The following PLEKHG4B variants were observed in gnomAD, a reference collection of about 807,000 sequenced individuals.
The protein encoded by PLEKHG4B is pleckstrin homology and RhoGEF domain containing G4B.
A neutral mutation model predicts 121.3 loss-of-function variants in PLEKHG4B; 111 were observed. The ratio of observed to expected loss-of-function variants is 0.92; its 90% CI spans 0.78 to 1.07. PLEKHG4B has a LOEUF of 1.07. PLEKHG4B is among the 50% of genes least tolerant of loss of function. The pLI, the probability that PLEKHG4B is intolerant of heterozygous loss-of-function variation, is 0.00. For missense variants in PLEKHG4B, 1,831 were observed against 1,757.8 expected, an observed-to-expected ratio of 1.04 and a Z score of -0.74; for synonymous variants, 738 against 725.0, an observed-to-expected ratio of 1.02 and a Z score of -0.29.
chr5:122,646 C>T (rs1447694736), intron 2 of PLEKHG4B, among the ~76,000 whole-genome samples: 1 of 152,050 alleles, frequency 6.6e-6, no homozygotes, highest in Non-Finnish European at 1.5e-5. Context: ...GTCAGATCTC[C>T]TGACATCAGG....
Position 156,330 on chromosome 5 carries a change from C to T in PLEKHG4B, c.2348+120C>T. Reference sequence around the variant, plus strand: ...GAGCCCCCTCTGTGCTTGGTCCAGACCTCCATTCTGACAGCCACGCTTTGC... The same window carrying T: ...GAGCCCCCTCTGTGCTTGGTCCAGATCTCCATTCTGACAGCCACGCTTTGC... On this transcript the variant is annotated intron_variant, in intron 10 of 19. Coordinates refer to ENST00000637938, the MANE Select transcript of PLEKHG4B (RefSeq NM_052909.5). This position sits in a 1 kb window ranked among gnomAD's most constrained non-coding sequence, Gnocchi z 4.4. The T allele has an allele frequency of 2.7e-6, 3 of 1,119,892 alleles. No homozygotes were observed. The highest frequency in any genetic ancestry group is 3.5e-6 in the Non-Finnish European group (3 of 860,964). The allele number at this position is 1,119,892 out of a possible 1,614,324, so 69.4% of individuals were successfully genotyped here.
chr5:151,645 C>A (rs886885582), intron 7 of PLEKHG4B, 46 bp downstream of exon 7: 2 of 1,251,780 alleles, frequency 1.6e-6, no homozygotes, highest in East Asian at 4.7e-5. Context: ...TAAAATTAAA[C>A]ATTAAGGCAC....
intron 1 of PLEKHG4B, among the ~76,000 whole-genome samples, chr5:102,971 C>G (rs571354264): frequency 1.2e-3 from 186 of 152,284 alleles, no homozygotes; most frequent in Non-Finnish European, 2.1e-3. Flanking sequence ...AGGCTTCTTG[C>G]TAGCACATCT....
At chr5:146,049 T>C (rs1735397939) in intron 6 of PLEKHG4B, among the ~76,000 whole-genome samples, 1 of 151,110 alleles carries the variant, frequency 6.6e-6, no homozygotes, top group Non-Finnish European at 1.5e-5. Context: ...TGGTCCTCCC[T>C]CCTCTCCCCC....
chr5:158,705 G>C (rs543385449), intron 11 of PLEKHG4B, among the ~76,000 whole-genome samples: 11 of 141,504 alleles, frequency 7.8e-5, no homozygotes, highest in African/African-American at 3.0e-4. Flanking sequence ...TGTCCTGGGG[G>C]GTCTCCTTCG....
At chr5:104,182 G>C (rs1050224170) in intron 1 of PLEKHG4B, among the ~76,000 whole-genome samples, 1 of 135,810 alleles carries the variant, frequency 7.4e-6, no homozygotes, top group Admixed American at 7.8e-5. Context: ...TCCCAGCACC[G>C]ATTCCTAAAC....
chr5:94,923 A>T (rs975554157), intron 1 of PLEKHG4B, among the ~76,000 whole-genome samples: 4 of 152,144 alleles, frequency 2.6e-5, no homozygotes, highest in African/African-American at 9.7e-5. Flanking sequence ...CTAGAGTCAA[A>T]CTTGAAAAGA....
intron 14 of PLEKHG4B, among the ~76,000 whole-genome samples, chr5:170,208 G>C (rs1396717142): frequency 6.6e-6 from 1 of 152,232 alleles, no homozygotes. Flanking sequence ...AGTGCTGTGG[G>C]CAGATGGGAT....
chr5:151,995 A>G (rs539744248), intron 7 of PLEKHG4B, among the ~76,000 whole-genome samples: 13 of 152,332 alleles, frequency 8.5e-5, no homozygotes, highest in South Asian at 2.1e-4. Context: ...ATAATTTTAG[A>G]AGAAAAGTTC....
chr5:164,564 CA>C (rs1197511005), intron 13 of PLEKHG4B, among the ~76,000 whole-genome samples: 121 of 62,686 alleles, frequency 1.9e-3, no homozygotes, highest in East Asian at 3.8e-3. Context: ...AATGCTCTGA[CA>C]GGGGGCGGAG....
chr5:136,721 G>A (rs1482064018), intron 2 of PLEKHG4B, among the ~76,000 whole-genome samples: 1 of 152,188 alleles, frequency 6.6e-6, no homozygotes, highest in Non-Finnish European at 1.5e-5. Flanking sequence ...GGAAACAAGT[G>A]CTTGGAACGA....
rs1560942558 is a variant in PLEKHG4B at position 163,203 on chromosome 5, C to A, written c.3131C>A (p.Pro1044Gln). ...CCACTGTCCCTCCTCAGGGGCCTTC[C>A]AGGGGCAGGGGCCACCACGGCCCAC... ...WDPLSLLRGL[P>Q]GAGATTAHLE... Residue 1044 changes from proline (P) to glutamine (Q), a missense_variant, in exon 13 of 20, where the codon CCA becomes CAA. Physicochemically the swap from Pro to Gln is moderately conservative, Grantham distance 76 (BLOSUM62 -1). Coordinates refer to ENST00000637938, the MANE Select transcript of PLEKHG4B (RefSeq NM_052909.5). The A allele has an allele frequency of 1.9e-6, 3 of 1,589,884 alleles. No homozygotes were observed. The highest frequency in any genetic ancestry group is 2.6e-6 in the Non-Finnish European group (3 of 1,169,004).
At chr5:108,497 CGGTGCAGATGGCTGGTGTAGACAGACTG>C (rs1560899109) in intron 1 of PLEKHG4B, among the ~76,000 whole-genome samples, 273 of 134,580 alleles carry the variant, frequency 2.0e-3, no homozygotes, top group African/African-American at 3.1e-3. Context: ...TGTAGACAGA[CGGTGCAGATGGCTGGTGTAGACAGACTG>C]GGTGCAGATG....
At chr5:115,208 C>T (rs1734270142) in intron 2 of PLEKHG4B, among the ~76,000 whole-genome samples, 1 of 152,222 alleles carries the variant, frequency 6.6e-6, no homozygotes, top group African/African-American at 2.4e-5. Context: ...TTCATCAGAG[C>T]TCTTGGGTGA....
At chr5:105,624 G>A (rs578115595) in intron 1 of PLEKHG4B, among the ~76,000 whole-genome samples, 11 of 152,360 alleles carry the variant, frequency 7.2e-5, no homozygotes, top group African/African-American at 2.2e-4. Flanking sequence ...AAGGGAATTC[G>A]CTTTTCGTTT....
chr5:110,775 C>T (rs1560901296), intron 1 of PLEKHG4B, among the ~76,000 whole-genome samples: 1 of 152,284 alleles, frequency 6.6e-6, no homozygotes, highest in Non-Finnish European at 1.5e-5. Context: ...CAATCTGCAA[C>T]ACGTGCACAC....
At chr5:107,028 AG>A (rs1733994606) in intron 1 of PLEKHG4B, among the ~76,000 whole-genome samples, 1 of 152,228 alleles carries the variant, frequency 6.6e-6, no homozygotes, top group African/African-American at 2.4e-5. Flanking sequence ...ACATGGGAAG[AG>A]GCTGGAATCT....
Position 140,256 on chromosome 5 carries a change from GC to G in PLEKHG4B, c.1019del (p.Pro340ArgfsTer42). On this transcript the variant is annotated frameshift_variant, in exon 3 of 20. Transcript: ENST00000637938. LOFTEE classifies it high-confidence loss of function. ...GCATCCCGAGCAGCAGGAGGCGGCCGCCGGGGGACCCCACTTGTGTGCAGCC... is the reference window on the plus strand; with the variant it reads ...GCATCCCGAGCAGCAGGAGGCGGCCGCGGGGGACCCCACTTGTGTGCAGCC... ...LGIPSSRRRP[P>X]GDPTCVQPRR... 6.9e-7 allele frequency: 1 copy of G among 1,452,624 alleles called. No individual in the cohort carries two copies. The highest frequency in any genetic ancestry group is 9.1e-7 in the Non-Finnish European group (1 of 1,100,774). The allele number at this position is 1,452,624 out of a possible 1,614,324, so 90.0% of individuals were successfully genotyped here. A position where few individuals can be genotyped will look rare whatever the true frequency, so the allele number is the denominator to read the frequency against.
chr5:144,926 G>T lies in PLEKHG4B; in HGVS notation c.1905+6G>T. Reference sequence around the variant, plus strand: ...AGGCCCTCTCAGGATTGCAGGTACGGCAAGGTTGTCATATCCCTTGGGTGT... The same window carrying T: ...AGGCCCTCTCAGGATTGCAGGTACGTCAAGGTTGTCATATCCCTTGGGTGT... On this transcript the variant is annotated splice_donor_region_variant and intron_variant, in intron 6 of 19. Coordinates refer to ENST00000637938, the MANE Select transcript of PLEKHG4B (RefSeq NM_052909.5). 1 of 1,612,388 alleles carries T rather than the reference G, an allele frequency of 6.2e-7. No individual in the cohort carries two copies. The highest frequency in any genetic ancestry group is 8.5e-7 in the Non-Finnish European group (1 of 1,179,456).
Sources: gnomAD v4.1 joint callset for allele counts (sites outside exome capture counted in the v4.1 genomes callset) on GRCh38, gnomAD v4.1.1 for gene constraint, Gnocchi (gnomAD v3.1) non-coding constraint, MANE v1.5 for transcripts, NCBI Gene and HGNC (gene_info 2026-07-23, HGNC 2026-07-21) for gene names.